The following MBNL3 variants were observed in gnomAD, a reference collection of about 807,000 sequenced individuals.
MBNL3 encodes the protein muscleblind-like protein 3.
A neutral mutation model predicts 24.5 loss-of-function variants in MBNL3; 6 were observed. The ratio of observed to expected loss-of-function variants is 0.25; its 90% CI spans 0.13 to 0.48. The LOEUF (loss-of-function observed/expected upper bound fraction) is 0.48, where lower values mean the gene tolerates loss of function less well. Ranked by LOEUF, MBNL3 falls within the 20% of genes least tolerant of loss-of-function variation. The pLI is 0.99. For missense variants in MBNL3, 230 were observed against 293.5 expected (o/e 0.78, Z 1.58); for synonymous variants, 100 against 101.7 (o/e 0.98, Z 0.10).
At chrX:132,401,226 A>G (rs1250181536) in intron 3 of MBNL3, among the ~76,000 whole-genome samples, 3 of 111,967 alleles carry the variant, frequency 2.7e-5, no homozygotes, top group East Asian at 5.6e-4. Flanking sequence ...ATTTCAGTCA[A>G]TAAACTAAAT....
intron 2 of MBNL3, chrX:132,413,719 A>G: frequency 1.5e-6 from 1 of 686,760 alleles, no homozygotes. Flanking sequence ...CGGTGGCGCA[A>G]CAGTATATTT....
At chrX:132,440,679 CAGA>C (rs1945348274) in intron 1 of MBNL3, among the ~76,000 whole-genome samples, 1 of 111,459 alleles carries the variant, frequency 9.0e-6, no homozygotes, top group South Asian at 3.8e-4. Context: ...TGGAGCAACT[CAGA>C]AGAAGGTTTC....
At chrX:132,410,882 A>G (rs1488512628) in intron 2 of MBNL3, among the ~76,000 whole-genome samples, 1 of 112,118 alleles carries the variant, frequency 8.9e-6, no homozygotes, top group Non-Finnish European at 1.9e-5. Context: ...TCGGCATTCT[A>G]CTGGCAAATT....
Position 132,375,030 on chromosome X carries a change from T to G in MBNL3, c.*4636A>C, listed in dbSNP as rs1603009354. 1 of 111,893 alleles carries G rather than the reference T, an allele frequency of 8.9e-6. No individual in the cohort carries two copies. The highest frequency in any genetic ancestry group is 2.8e-4 in the East Asian group (1 of 3,554). 9.2% of individuals were successfully genotyped at this position (111,893 alleles called of 1,213,427 possible). On this transcript the variant is annotated 3_prime_UTR_variant, in exon 9 of 9. Coordinates refer to ENST00000370853, the MANE Select transcript of MBNL3 (RefSeq NM_001386889.1). ...ATAAAGCCTGATTCTAGAATCCATG[T>G]GTTATAAACTTTTTCACAAAAAGTC...
chrX:132,398,032 GA>G (rs950290005), intron 3 of MBNL3, among the ~76,000 whole-genome samples: 1 of 110,080 alleles, frequency 9.1e-6, no homozygotes, highest in African/African-American at 3.3e-5. Context: ...AGAGAGCTAA[GA>G]AAAAAAAAGT....
At chrX:132,383,760 T>A (rs1298025821) in intron 7 of MBNL3, among the ~76,000 whole-genome samples, 1 of 111,852 alleles carries the variant, frequency 8.9e-6, no homozygotes, top group Non-Finnish European at 1.9e-5. Context: ...AGCCTGTTAG[T>A]AGTGCTTTTG....
At chrX:132,489,518 C>G (rs1948181281), upstream of MBNL3, among the ~76,000 whole-genome samples, 1 of 111,573 alleles carries the variant, frequency 9.0e-6, no homozygotes, top group Admixed American at 9.3e-5. Context: ...GGCGTGCCCT[C>G]CTCCCGGGCC....
At chrX:132,409,013 A>C (rs978200911) in intron 2 of MBNL3, among the ~76,000 whole-genome samples, 1 of 112,474 alleles carries the variant, frequency 8.9e-6, no homozygotes, top group Non-Finnish European at 1.9e-5. Flanking sequence ...CTCTATCCAA[A>C]CAATAGATGA....
chrX:132,483,030 A>G (rs1240035166), intron 1 of MBNL3, among the ~76,000 whole-genome samples: 1 of 112,660 alleles, frequency 8.9e-6, no homozygotes, highest in Non-Finnish European at 1.9e-5. Context: ...TGGGTGAGCT[A>G]ATAAGGTTTC....
chrX:132,452,030 T>G (rs1271947341), intron 1 of MBNL3, among the ~76,000 whole-genome samples: 1 of 111,020 alleles, frequency 9.0e-6, no homozygotes, highest in Admixed American at 9.5e-5. Flanking sequence ...TGAGATGAGC[T>G]GGGTACCTCA....
At chrX:132,451,286 G>C (rs1946094548) in intron 1 of MBNL3, among the ~76,000 whole-genome samples, 1 of 112,408 alleles carries the variant, frequency 8.9e-6, no homozygotes, top group African/African-American at 3.2e-5. Flanking sequence ...CCTTCTGCCA[G>C]GTGCTCTGTC....
In MBNL3 at chrX:132,387,421, A is replaced by G. The variant is rs556601508; in HGVS notation, c.772-610T>C. Among the ~76,000 whole-genome samples the G allele has an allele frequency of 6.2e-4, 69 of 111,436 alleles. 1 individual carries two copies. The South Asian group carries it at 6.9e-3, about 11-fold the overall frequency. On this transcript the variant is annotated intron_variant, in intron 5 of 8. Transcript: ENST00000370853. ...TGACAGAAAGCTACTACAGTAAACAATCATTTATAATTAATATCTCAGGGA... is the reference window on the plus strand; with the variant it reads ...TGACAGAAAGCTACTACAGTAAACAGTCATTTATAATTAATATCTCAGGGA...
chrX:132,414,568 G>C (rs1331275782), intron 2 of MBNL3, among the ~76,000 whole-genome samples: 1 of 111,654 alleles, frequency 9.0e-6, no homozygotes, highest in African/African-American at 3.3e-5. Context: ...ATACACAAGA[G>C]TATGATAAAG....
At chrX:132,400,001 C>CA (rs1485676319) in intron 3 of MBNL3, among the ~76,000 whole-genome samples, 1 of 109,511 alleles carries the variant, frequency 9.1e-6, no homozygotes, top group Non-Finnish European at 1.9e-5. Flanking sequence ...GAGAAGGACA[C>CA]AAAATAGAGG....
intron 7 of MBNL3, among the ~76,000 whole-genome samples, chrX:132,383,041 C>G (rs754991726): frequency 8.9e-5 from 10 of 112,296 alleles, no homozygotes; most frequent in Non-Finnish European, 1.9e-4. Flanking sequence ...TTTGCCTTTT[C>G]TAGTTTCTAT....
intron 3 of MBNL3, among the ~76,000 whole-genome samples, chrX:132,398,897 G>A (rs1342192596): frequency 9.0e-6 from 1 of 111,007 alleles, no homozygotes; most frequent in African/African-American, 3.3e-5. Context: ...AAGGCCCAAA[G>A]CTACAAAAAT....
At chrX:132,455,347 A>G (rs776551279) in intron 1 of MBNL3, among the ~76,000 whole-genome samples, 1 of 112,320 alleles carries the variant, frequency 8.9e-6, no homozygotes, top group South Asian at 3.7e-4. Context: ...ATTTGCGTCA[A>G]TAAATGGGGA....
At chrX:132,400,675 T>C (rs1484793363) in intron 3 of MBNL3, among the ~76,000 whole-genome samples, 1 of 111,890 alleles carries the variant, frequency 8.9e-6, no homozygotes, top group Non-Finnish European at 1.9e-5. Context: ...AGTCTCAGGG[T>C]AAGTACACCT....
At chrX:132,472,841 A>G (rs1947249870) in intron 1 of MBNL3, among the ~76,000 whole-genome samples, 1 of 111,938 alleles carries the variant, frequency 8.9e-6, no homozygotes, top group Non-Finnish European at 1.9e-5. Context: ...TACTATCCAA[A>G]CCCAAAAAGG....
Sources: gnomAD v4.1 joint callset for allele counts (sites outside exome capture counted in the v4.1 genomes callset) on GRCh38, gnomAD v4.1.1 for gene constraint, MANE v1.5 for transcripts, NCBI Gene and HGNC (gene_info 2026-07-23, HGNC 2026-07-21) for gene names.